MLLT1: variants seen among roughly 807,000 people sequenced by gnomAD.
MLLT1 encodes the protein MLLT1 super elongation complex subunit, also known as protein ENL.
Under a neutral mutation model 55.1 loss-of-function variants are expected in MLLT1, and 11 were observed. That is an observed-to-expected ratio of 0.20 (90% confidence interval 0.13 to 0.33). The LOEUF (loss-of-function observed/expected upper bound fraction) is 0.33. Among genes scored for constraint, MLLT1 ranks in the 10% least tolerant of loss-of-function variants. The probability of loss-of-function intolerance (pLI) is 1.00; values close to 1 mark genes in which losing one functional copy is unlikely to be tolerated. For synonymous variants in MLLT1, 323 were observed against 320.1 expected (o/e 1.01, Z -0.10); for missense variants, 536 against 760.6 (o/e 0.70, Z 3.47).
In MLLT1 at chr19:6,264,507, C is replaced by G. The variant is rs1017183572; in HGVS notation, c.194-2197G>C. ...GAGCAAACAAATAATTTGGAGACCA[C>G]AGAGAGTTTGACAAAAAGAAAGAAA... is the stretch of plus-strand genomic sequence containing the variant. On this transcript the variant is annotated intron_variant, in intron 2 of 11. Coordinates refer to ENST00000252674, the MANE Select transcript of MLLT1 (RefSeq NM_005934.4). Among the ~76,000 whole-genome samples, 3 of 151,888 alleles carry G rather than the reference C, an allele frequency of 2.0e-5. No individual in the cohort carries two copies. The South Asian group carries it at 6.2e-4, about 32-fold the overall frequency.
chr19:6,216,277 T>C (rs918499683), intron 8 of MLLT1, 128 bp downstream of exon 8: 5 of 682,684 alleles, frequency 7.3e-6, no homozygotes, highest in Non-Finnish European at 1.3e-5. Context: ...TGGGGATGGA[T>C]CCCTGCTTTG....
At chr19:6,218,612 C>T (rs907796048) in intron 6 of MLLT1, among the ~76,000 whole-genome samples, 2 of 152,160 alleles carry the variant, frequency 1.3e-5, no homozygotes, top group African/African-American at 4.8e-5. Context: ...TGGGCAAGCC[C>T]GGCCCCACCC....
In MLLT1 at chr19:6,230,844, T is replaced by C. The variant is rs878897348; in HGVS notation, c.277-131A>G. 7.4e-5 allele frequency: 88 copies of C among 1,187,862 alleles called. No homozygotes were observed. In the South Asian group the frequency reaches 1.2e-3, roughly 16 times the overall value. The allele number at this position is 1,187,862 out of a possible 1,614,324, so 73.6% of individuals were successfully genotyped here. A position where few individuals can be genotyped will look rare whatever the true frequency, so the allele number is the denominator to read the frequency against. The stretch of plus-strand genomic sequence containing the variant: ...TCCCCTCCCTCCGATTTGCGCCCAC[T>C]TCTCTCTCAGGGCACCTCCTGCCCT... On this transcript the variant is annotated intron_variant, in intron 3 of 11. Transcript: ENST00000252674. The surrounding 1 kb of genome is among the most constrained non-coding windows in gnomAD (Gnocchi z 9.0).
chr19:6,212,741 G>T lies in MLLT1; in HGVS notation c.*301C>A. On this transcript the variant is annotated 3_prime_UTR_variant, in exon 12 of 12. Transcript: ENST00000252674. ...GTGGGGGCTGGTCCCAAGGCTGGGC[G>T]AGGGGCCCCCGGCCCTGTCTCTGCC... 8.8e-7 allele frequency: 1 copy of T among 1,137,686 alleles called. No individual in the cohort carries two copies. Among genetic ancestry groups the T allele is most frequent in the Non-Finnish European group, 1.1e-6 (1 of 908,326 alleles). The allele number at this position is 1,137,686 out of a possible 1,614,324, so 70.5% of individuals were successfully genotyped here.
intron 3 of MLLT1, among the ~76,000 whole-genome samples, chr19:6,241,343 C>A (rs966391154): frequency 1.3e-5 from 2 of 152,270 alleles, no homozygotes; most frequent in Admixed American, 6.5e-5. Context: ...GCCCCTAGCA[C>A]CCCCGCTGGA....
chr19:6,212,230 C>G lies in MLLT1; in HGVS notation c.*812G>C, dbSNP rs2090781473. On this transcript the variant is annotated 3_prime_UTR_variant, in exon 12 of 12. Coordinates refer to ENST00000252674, the MANE Select transcript of MLLT1 (RefSeq NM_005934.4). Reference sequence around the variant, plus strand: ...GGCTCCCGGGCGCCCTGAGGACTCGCTGCCCTTTGTAGTGTTGGCTGACCC... The same window carrying G: ...GGCTCCCGGGCGCCCTGAGGACTCGGTGCCCTTTGTAGTGTTGGCTGACCC... 8 of 1,066,080 alleles carry G rather than the reference C, an allele frequency of 7.5e-6. No homozygotes were observed. The highest frequency in any genetic ancestry group is 9.1e-6 in the Non-Finnish European group (8 of 879,494). 66.0% of individuals were successfully genotyped at this position (1,066,080 alleles called of 1,614,324 possible).
At chr19:6,243,600 C>T (rs1026564790) in intron 3 of MLLT1, among the ~76,000 whole-genome samples, 3 of 152,148 alleles carry the variant, frequency 2.0e-5, no homozygotes, top group African/African-American at 7.2e-5. Flanking sequence ...CAAATGCCAC[C>T]ATGTCACCCC....
chr19:6,214,724 A>G (rs541371554), intron 8 of MLLT1, among the ~76,000 whole-genome samples: 222 of 152,210 alleles, frequency 1.5e-3, no homozygotes, highest in African/African-American at 4.9e-3. Flanking sequence ...TGCCAGGGAT[A>G]TTTTGGGCTT....
At chr19:6,276,476 G>A (rs2091428829) in intron 1 of MLLT1, among the ~76,000 whole-genome samples, 1 of 152,168 alleles carries the variant, frequency 6.6e-6, no homozygotes, top group Admixed American at 6.5e-5. Context: ...AGCATCTGCA[G>A]GACCAGCAAG....
intron 4 of MLLT1, among the ~76,000 whole-genome samples, chr19:6,228,495 G>A (rs1600182172): frequency 6.9e-6 from 1 of 144,222 alleles, no homozygotes; most frequent in Non-Finnish European, 1.5e-5. Flanking sequence ...CTCAGCCATG[G>A]GGGCAGAGAC....
rs2091256062 is a variant in MLLT1, at chr19:6,256,249, AT to A, written c.276+5978del. Among the ~76,000 whole-genome samples, 1 of 150,342 alleles carries A rather than the reference AT, an allele frequency of 6.7e-6. No homozygotes were observed. The highest frequency in any genetic ancestry group is 2.5e-5 in the African/African-American group (1 of 40,768). On this transcript the variant is annotated intron_variant, in intron 3 of 11. Coordinates refer to ENST00000252674, the MANE Select transcript of MLLT1 (RefSeq NM_005934.4). This position sits in a 1 kb window ranked among gnomAD's most constrained non-coding sequence, Gnocchi z 4.1. The stretch of plus-strand genomic sequence containing the variant: ...AATAAATAAATAAATAAATAAATAA[AT>A]AAATAAAAAGACCAGCCTGGGCAAC...
chr19:6,243,209 C>A (rs1035190282), intron 3 of MLLT1, among the ~76,000 whole-genome samples: 28 of 152,270 alleles, frequency 1.8e-4, no homozygotes, highest in African/African-American at 6.5e-4. Flanking sequence ...CAGTCCCAGC[C>A]CGAGCAGGGC....
intron 4 of MLLT1, among the ~76,000 whole-genome samples, chr19:6,228,497 G>C (rs1411875208): frequency 6.9e-6 from 1 of 144,212 alleles, no homozygotes; most frequent in African/African-American, 2.9e-5. Context: ...CAGCCATGGG[G>C]GCAGAGACAA....
chr19:6,228,433 C>A lies in MLLT1; in HGVS notation c.421-1331G>T, dbSNP rs113024050. On this transcript the variant is annotated intron_variant, in intron 4 of 11. Coordinates refer to ENST00000252674, the MANE Select transcript of MLLT1 (RefSeq NM_005934.4). ...GAACTGAACACGCAGATGACTCCCACCTCCAACAAGTGCTGCCAGGAGGAC... is the reference window on the plus strand; with the variant it reads ...GAACTGAACACGCAGATGACTCCCAACTCCAACAAGTGCTGCCAGGAGGAC... Among the ~76,000 whole-genome samples, 1,039 of 152,322 alleles carry A rather than the reference C, an allele frequency of 6.8e-3. 10 individuals are homozygous for A. The highest frequency in any genetic ancestry group is 0.023 in the African/African-American group (939 of 41,562).
At chr19:6,239,214 C>T (rs1460697861) in intron 3 of MLLT1, among the ~76,000 whole-genome samples, 2 of 152,314 alleles carry the variant, frequency 1.3e-5, no homozygotes, top group South Asian at 4.1e-4. Flanking sequence ...ACACACAGTC[C>T]GGCAAGAAAG....
intron 3 of MLLT1, among the ~76,000 whole-genome samples, chr19:6,247,576 T>C (rs2091180342): frequency 6.6e-6 from 1 of 152,188 alleles, no homozygotes; most frequent in Non-Finnish European, 1.5e-5. Flanking sequence ...TCTTCCTTAC[T>C]GAAAAATTCC....
At chr19:6,259,915 T>C (rs937842334) in intron 3 of MLLT1, 2 of 151,758 alleles carry the variant, frequency 1.3e-5, no homozygotes, top group Non-Finnish European at 2.9e-5. Context: ...TTTTACTATA[T>C]GTAAATTATA....
At chr19:6,215,179 A>G (rs533467746) in intron 8 of MLLT1, among the ~76,000 whole-genome samples, 3 of 152,358 alleles carry the variant, frequency 2.0e-5, no homozygotes, top group Admixed American at 2.0e-4. Context: ...CAACGCAGGG[A>G]CAAGGCCGGC....
chr19:6,266,781 G>C (rs2091352481), intron 2 of MLLT1, among the ~76,000 whole-genome samples: 1 of 152,118 alleles, frequency 6.6e-6, no homozygotes, highest in Non-Finnish European at 1.5e-5. Flanking sequence ...TAATCTCTTG[G>C]AATATTACTT....
Sources: allele counts gnomAD v4.1 joint callset (sites outside exome capture counted in the v4.1 genomes callset), GRCh38; gene constraint gnomAD v4.1.1; non-coding constraint Gnocchi (gnomAD v3.1); transcripts MANE v1.5; gene names NCBI Gene and HGNC (gene_info 2026-07-23, HGNC 2026-07-21).